CFDP1: variants seen among roughly 807,000 people sequenced by gnomAD.
The protein encoded by CFDP1 is heterochromatin-stabilizing protein CFDP1.
A neutral mutation model predicts 40.1 loss-of-function variants in CFDP1; 31 were observed. That is an observed-to-expected ratio of 0.77 (90% CI 0.58 to 1.04). The LOEUF (loss-of-function observed/expected upper bound fraction) is 1.04, where lower values mean the gene tolerates loss of function less well. CFDP1 is among the 50% of genes least tolerant of loss of function. CFDP1 has a pLI of 0.00. For synonymous variants in CFDP1, 167 were observed against 120.0 expected (o/e 1.39, Z -2.56); for missense variants, 423 against 343.4 (o/e 1.23, Z -1.83).
chr16:75,410,725 G>C (rs533764757), intron 4 of CFDP1, among the ~76,000 whole-genome samples: 1 of 151,660 alleles, frequency 6.6e-6, no homozygotes, highest in African/African-American at 2.4e-5. Context: ...CGGCTAACAT[G>C]GTGAAACCCC....
chr16:75,346,126 C>T (rs1303625022), intron 5 of CFDP1, among the ~76,000 whole-genome samples: 2 of 152,198 alleles, frequency 1.3e-5, no homozygotes, highest in Non-Finnish European at 2.9e-5. Flanking sequence ...TCTGCTGAAT[C>T]CTCAGTGTTT....
chr16:75,394,100 G>C (rs2078976734), intron 5 of CFDP1, among the ~76,000 whole-genome samples: 1 of 152,154 alleles, frequency 6.6e-6, no homozygotes, highest in Admixed American at 6.6e-5. Context: ...AGCAATGACA[G>C]GTATGCTCCA....
intron 5 of CFDP1, among the ~76,000 whole-genome samples, chr16:75,341,354 TATTA>T (rs1229101628): frequency 1.3e-5 from 2 of 152,232 alleles, no homozygotes; most frequent in Non-Finnish European, 2.9e-5. Context: ...GATTCAAAGT[TATTA>T]ATAACCCTAT....
At chr16:75,315,912 T>C (rs1485906789) in intron 5 of CFDP1, among the ~76,000 whole-genome samples, 3 of 152,204 alleles carry the variant, frequency 2.0e-5, no homozygotes, top group Non-Finnish European at 4.4e-5. Flanking sequence ...TCTCTCAAAA[T>C]GCATCACATT....
chr16:75,318,580 A>G (rs1000618060), intron 5 of CFDP1, among the ~76,000 whole-genome samples: 3 of 151,676 alleles, frequency 2.0e-5, no homozygotes, highest in Non-Finnish European at 2.9e-5. Flanking sequence ...TAATTTTTGT[A>G]TTTTTAGTAG....
chr16:75,336,154 A>T (rs917228084), intron 5 of CFDP1, among the ~76,000 whole-genome samples: 1 of 152,226 alleles, frequency 6.6e-6, no homozygotes, highest in African/African-American at 2.4e-5. Flanking sequence ...GTTATTAAGC[A>T]AACACTGAGC....
At chr16:75,374,357 A>G (rs1242411264) in intron 5 of CFDP1, among the ~76,000 whole-genome samples, 1 of 152,206 alleles carries the variant, frequency 6.6e-6, no homozygotes, top group Non-Finnish European at 1.5e-5. Context: ...GTATTTTTGT[A>G]TTTTCAAGCA....
chr16:75,375,437 G>A (rs1427511307), intron 5 of CFDP1, among the ~76,000 whole-genome samples: 1 of 152,120 alleles, frequency 6.6e-6, no homozygotes, highest in Non-Finnish European at 1.5e-5. Flanking sequence ...ATTATTATTA[G>A]TTTTCAGAGC....
At chr16:75,298,702 C>T (rs148581182) in intron 6 of CFDP1, among the ~76,000 whole-genome samples, 5 of 152,240 alleles carry the variant, frequency 3.3e-5, no homozygotes, top group Admixed American at 3.3e-4. Context: ...TAGTACACCT[C>T]CCGCCTTCAG....
chr16:75,322,166 T>C (rs952670471), intron 5 of CFDP1, among the ~76,000 whole-genome samples: 6 of 152,224 alleles, frequency 3.9e-5, no homozygotes, highest in African/African-American at 1.4e-4. Context: ...TGGTCATGCA[T>C]ACATTTTGTA....
At chr16:75,397,101 A>G (rs1597381926) in intron 4 of CFDP1, among the ~76,000 whole-genome samples, 2 of 151,784 alleles carry the variant, frequency 1.3e-5, no homozygotes, top group Non-Finnish European at 2.9e-5. Context: ...TTTTTAGTAG[A>G]GATGGGGTTT....
chr16:75,314,664 C>A (rs994122848), intron 5 of CFDP1, among the ~76,000 whole-genome samples: 1 of 152,174 alleles, frequency 6.6e-6, no homozygotes. Context: ...TGATAAATGA[C>A]TACTCTTTCT....
At chr16:75,311,579 T>C (rs373724659) in intron 5 of CFDP1, among the ~76,000 whole-genome samples, 16 of 152,208 alleles carry the variant, frequency 1.1e-4, no homozygotes, top group African/African-American at 3.4e-4. Context: ...AGGGTTAACA[T>C]GTGTACAGAA....
intron 5 of CFDP1, among the ~76,000 whole-genome samples, chr16:75,343,805 C>T (rs987853227): frequency 6.6e-6 from 1 of 152,180 alleles, no homozygotes; most frequent in Non-Finnish European, 1.5e-5. Flanking sequence ...GCATGAAAGG[C>T]TGATTTCCTA....
intron 5 of CFDP1, chr16:75,380,206 C>T (rs955813585): frequency 6.6e-6 from 1 of 151,546 alleles, no homozygotes; most frequent in East Asian, 1.9e-4. Context: ...CCATTTTAGG[C>T]AAGATGGATA....
intron 5 of CFDP1, among the ~76,000 whole-genome samples, chr16:75,331,774 C>T (rs1214735185): frequency 6.6e-6 from 1 of 152,166 alleles, no homozygotes; most frequent in Non-Finnish European, 1.5e-5. Flanking sequence ...TCCAGTTTTA[C>T]ACTATCAGGC....
chr16:75,399,814 A>T (rs979620560), intron 4 of CFDP1, among the ~76,000 whole-genome samples: 9 of 152,120 alleles, frequency 5.9e-5, no homozygotes, highest in African/African-American at 1.2e-4. Context: ...AAAATTTTTT[A>T]AAATCGGCTG....
Position 75,384,900 on chromosome 16 carries a change from T to A in CFDP1, c.650+10190A>T, listed in dbSNP as rs867676952. Reference sequence around the variant, plus strand: ...TATATATATATATATATATATATATTGCAGACCAGTACAGACAGGGTAAGT... The same window carrying A: ...TATATATATATATATATATATATATAGCAGACCAGTACAGACAGGGTAAGT... On this transcript the variant is annotated intron_variant, in intron 5 of 6. Coordinates refer to ENST00000283882, the MANE Select transcript of CFDP1 (RefSeq NM_006324.3). Among the ~76,000 whole-genome samples, 295 of 113,086 alleles carry A rather than the reference T, an allele frequency of 2.6e-3. 4 individuals are homozygous for A. The highest frequency in any genetic ancestry group is 0.01 in the African/African-American group (280 of 26,898). 74.2% of individuals were successfully genotyped at this position (113,086 alleles called of 152,430 possible).
At chr16:75,322,516 T>G (rs759598487) in intron 5 of CFDP1, among the ~76,000 whole-genome samples, 11 of 152,194 alleles carry the variant, frequency 7.2e-5, no homozygotes, top group African/African-American at 2.7e-4. Flanking sequence ...CTGTATAGCA[T>G]GTTACTGTAC....
Sources: gnomAD v4.1 joint callset for allele counts (sites outside exome capture counted in the v4.1 genomes callset) on GRCh38, gnomAD v4.1.1 for gene constraint, MANE v1.5 for transcripts, NCBI Gene and HGNC (gene_info 2026-07-23, HGNC 2026-07-21) for gene names.